Variants in ANAPC5 observed in about 807,000 individuals in gnomAD.
The protein encoded by ANAPC5 is anaphase promoting complex subunit 5.
A neutral mutation model predicts 91.3 loss-of-function variants in ANAPC5; 60 were observed. That is an observed-to-expected ratio of 0.66 (90% confidence interval 0.53 to 0.81). ANAPC5 has a LOEUF of 0.81. ANAPC5 is among the 40% of genes least tolerant of loss of function. The pLI, the probability that ANAPC5 is intolerant of heterozygous loss-of-function variation, is 0.00. For missense variants in ANAPC5, 690 were observed against 931.5 expected, an observed-to-expected ratio of 0.74 and a Z score of 3.37; for synonymous variants, 340 against 364.1, an observed-to-expected ratio of 0.93 and a Z score of 0.75.
intron 9 of ANAPC5, among the ~76,000 whole-genome samples, chr12:121,329,468 C>G (rs1902950269): frequency 1.3e-5 from 2 of 151,412 alleles, no homozygotes; most frequent in African/African-American, 4.9e-5. Context: ...AAAGTGTATA[C>G]ATTAAATTAC....
chr12:121,317,311 T>A (rs1330323922), intron 15 of ANAPC5, among the ~76,000 whole-genome samples: 1 of 148,962 alleles, frequency 6.7e-6, no homozygotes, highest in Non-Finnish European at 1.5e-5. Flanking sequence ...GGGAGTACGG[T>A]GTCACGATCC....
Position 121,328,328 on chromosome 12 carries a change from A to T in ANAPC5, c.1292T>A (p.Leu431Gln). 1 of 1,613,844 alleles carries T rather than the reference A, an allele frequency of 6.2e-7. No individual in the cohort carries two copies. The highest frequency in any genetic ancestry group is 8.5e-7 in the Non-Finnish European group (1 of 1,179,962). Residue 431 changes from leucine (L) to glutamine (Q), a missense_variant, in exon 10 of 17, where the codon CTG (leucine) becomes CAG (glutamine). Coordinates refer to ENST00000261819, the MANE Select transcript of ANAPC5 (RefSeq NM_016237.5). ...SIAQKTAIWR[L>Q]YGRSTMALQQ... ...TTGGGAGACCTACCTGCGGCCATAC[A>T]GCCTCCAGATGGCCGTTTTCTGTGC...
rs781000401 is a variant in ANAPC5, at chr12:121,318,602, C to G, written c.1644G>C (p.Ala548=). Residue 548 remains alanine (A), a synonymous_variant, in exon 14 of 17, where the codon GCG becomes GCC. Coordinates refer to ENST00000261819, the MANE Select transcript of ANAPC5 (RefSeq NM_016237.5). ...LNSIEGVYRK[A]VVLQAQNQMS... ...TTTGGTTCTGAGCTTGTAATACAAC[C>G]GCTTTCCTGAAACAGAATCAAAATG... The G allele has an allele frequency of 2.0e-5, 32 of 1,613,472 alleles. No homozygotes were observed. Among genetic ancestry groups the G allele is most frequent in the Admixed American group, 1.8e-4 (11 of 59,980 alleles).
chr12:121,344,475 T>C (rs908977626), intron 4 of ANAPC5, among the ~76,000 whole-genome samples: 3 of 150,986 alleles, frequency 2.0e-5, no homozygotes, highest in East Asian at 3.9e-4. Flanking sequence ...AGCTACTTGG[T>C]TGGGAGGTGG....
intron 5 of ANAPC5, among the ~76,000 whole-genome samples, chr12:121,338,720 A>C (rs1235008361): frequency 1.3e-5 from 2 of 151,922 alleles, no homozygotes; most frequent in Non-Finnish European, 2.9e-5. Context: ...CCCAGAAATA[A>C]CGCTATTAAT....
In ANAPC5 at chr12:121,337,775, C is replaced by A. The variant is rs924813691; in HGVS notation, c.658-383G>T. ...TAAGCCCCTCCATGCTCCCATAAGC[C>A]CTCTGCACTTACCCCCCCTGTGGCA... On this transcript the variant is annotated intron_variant, in intron 5 of 16. Transcript: ENST00000261819. Among the ~76,000 whole-genome samples, 9 of 151,998 alleles carry A rather than the reference C, an allele frequency of 5.9e-5. No individual in the cohort carries two copies. The East Asian group carries it at 1.7e-3, about 29-fold the overall frequency.
chr12:121,330,636 T>C lies in ANAPC5; in HGVS notation c.1069A>G (p.Ser357Gly). The change falls in exon 9 of 17, where the codon AGC (serine) becomes GGC (glycine). Residue 357 changes from serine (S) to glycine (G), a missense_variant. Ser to Gly is a moderately conservative substitution (Grantham distance 56, BLOSUM62 0). Transcript: ENST00000261819. ...ACAGAATGCTCCAGCAGAACATAGC[T>C]ATCGGATCTCTTCTGCCCCAGCACA... ...LYVLGQKRSD[S>G]YVLLEHSVKK... 6.2e-7 allele frequency: 1 copy of C among 1,614,112 alleles called. No individual in the cohort carries two copies. Among genetic ancestry groups the C allele is most frequent in the Non-Finnish European group, 8.5e-7 (1 of 1,180,000 alleles).
At position 121,319,747 on chromosome 12, in the gene ANAPC5, A is replaced by G. The variant is rs750280814; in HGVS notation, c.1587T>C (p.Asp529=). 1.1e-5 allele frequency: 18 copies of G among 1,613,016 alleles called. No individual in the cohort carries two copies. Among genetic ancestry groups the G allele is most frequent in the Non-Finnish European group, 1.5e-5 (18 of 1,179,736 alleles). ...GAGCTGTGATTCCTGTAACAAGTGAATCAGCCAAATGATATTTGCCATCAT... is the reference window on the plus strand; with the variant it reads ...GAGCTGTGATTCCTGTAACAAGTGAGTCAGCCAAATGATATTTGCCATCAT... ...AMNDGKYHLA[D]SLVTGITALN... The change falls in exon 13 of 17, where the codon GAT becomes GAC. Residue 529 remains aspartate, a synonymous_variant. Transcript: ENST00000261819.
chr12:121,334,483 G>A (rs1903153997), intron 7 of ANAPC5: 1 of 152,146 alleles, frequency 6.6e-6, no homozygotes, highest in Admixed American at 6.5e-5. Flanking sequence ...GCAGGTGGGG[G>A]GGTGAAGGGA....
chr12:121,316,382 GAAGTTAAACACA>G (rs892974819), intron 15 of ANAPC5, among the ~76,000 whole-genome samples: 4 of 152,266 alleles, frequency 2.6e-5, no homozygotes, highest in Admixed American at 2.0e-4. Flanking sequence ...ATTTCCTTAA[GAAGTTAAACACA>G]AAATTATCAT....
intron 15 of ANAPC5, among the ~76,000 whole-genome samples, chr12:121,316,810 A>C (rs1207534017): frequency 6.6e-6 from 1 of 151,966 alleles, no homozygotes; most frequent in Admixed American, 6.6e-5. Context: ...GCCGCTATTC[A>C]TAACAGCCAA....
intron 1 of ANAPC5, 140 bp from the exon 2 acceptor site, chr12:121,348,021 A>G (rs539304290): frequency 1.0e-4 from 65 of 632,666 alleles, no homozygotes; most frequent in Non-Finnish European, 1.7e-4. Flanking sequence ...CTATCTACCT[A>G]AAACACTAAA....
chr12:121,316,593 C>T (rs750382349), intron 15 of ANAPC5, among the ~76,000 whole-genome samples: 1 of 151,764 alleles, frequency 6.6e-6, no homozygotes, highest in African/African-American at 2.4e-5. Context: ...AATAGCTGGG[C>T]GTGGTGGCGG....
chr12:121,352,447 G>A (rs1303095051), upstream of ANAPC5: 1 of 902,980 alleles, frequency 1.1e-6, no homozygotes, highest in Non-Finnish European at 1.7e-6. Context: ...CAATATCCCA[G>A]GAAACAGACA....
At chr12:121,311,556 G>A (rs1902167375) in intron 15 of ANAPC5, among the ~76,000 whole-genome samples, 1 of 152,162 alleles carries the variant, frequency 6.6e-6, no homozygotes. Flanking sequence ...TAATAGGCCA[G>A]GCACAGTATC....
At chr12:121,316,801 C>CCGCT (rs1902387122) in intron 15 of ANAPC5, among the ~76,000 whole-genome samples, 1 of 150,424 alleles carries the variant, frequency 6.6e-6, no homozygotes, top group Non-Finnish European at 1.5e-5. Context: ...ATGTAAAGAG[C>CCGCT]CGCTATTCAT....
At chr12:121,333,721 A>C (rs1903126938) in intron 7 of ANAPC5, 1 of 152,164 alleles carries the variant, frequency 6.6e-6, no homozygotes, top group Non-Finnish European at 1.5e-5. Flanking sequence ...ATGAGCAGAA[A>C]TATTTTGTCC....
chr12:121,336,509 C>T (rs569622980), intron 6 of ANAPC5, among the ~76,000 whole-genome samples: 8 of 152,128 alleles, frequency 5.3e-5, no homozygotes, highest in African/African-American at 1.7e-4. Context: ...GAAACCCCGT[C>T]TCTACTAAAA....
At chr12:121,353,873 A>T (rs2136832626), upstream of ANAPC5, among the ~76,000 whole-genome samples, 1 of 152,222 alleles carries the variant, frequency 6.6e-6, no homozygotes, top group South Asian at 2.1e-4. Flanking sequence ...GTAATTAGAC[A>T]TGAGCAGGGC....
Sources: gnomAD v4.1 joint callset for allele counts (sites outside exome capture counted in the v4.1 genomes callset) on GRCh38, gnomAD v4.1.1 for gene constraint, MANE v1.5 for transcripts, NCBI Gene and HGNC (gene_info 2026-07-23, HGNC 2026-07-21) for gene names.